MCM3AP: variants seen among roughly 807,000 people sequenced by gnomAD.
MCM3AP encodes germinal-center associated nuclear protein.
MCM3AP carries 126 observed loss-of-function variants against 184.1 expected under a neutral mutation model. That is an observed-to-expected ratio of 0.68 (90% CI 0.59 to 0.79). The LOEUF is 0.79. MCM3AP is among the 30% of genes least tolerant of loss of function. The pLI, the probability that MCM3AP is intolerant of heterozygous loss-of-function variation, is 0.00. For missense variants in MCM3AP, 2,496 were observed against 2,479.2 expected, an observed-to-expected ratio of 1.01 and a Z score of -0.14; for synonymous variants, 1,002 against 979.3, an observed-to-expected ratio of 1.02 and a Z score of -0.43.
chr21:46,265,342 G>A lies in MCM3AP; in HGVS notation c.3213C>T (p.Pro1071=), dbSNP rs376423908. The change falls in exon 12 of 28, where the codon CCC becomes CCT. Residue 1071 remains proline (P), a synonymous_variant. Transcript: ENST00000291688. ...SVQPEPPPPE[P]VPMYSDEDLA... is the part of the protein sequence containing the mutation. ...CTACCTCGTCAGAGTACATGGGCACGGGCTCTGGAGGCGGTGGTTCAGGCT... is the reference window on the plus strand; with the variant it reads ...CTACCTCGTCAGAGTACATGGGCACAGGCTCTGGAGGCGGTGGTTCAGGCT... 1.7e-5 allele frequency: 28 copies of A among 1,613,854 alleles called. No individual in the cohort carries two copies. The highest frequency in any genetic ancestry group is 4.4e-5 in the South Asian group (4 of 91,096).
Position 46,240,814 on chromosome 21 carries a change from T to C in MCM3AP, c.5630A>G (p.Lys1877Arg), listed in dbSNP as rs1302795115. 1 of 1,613,988 alleles carries C rather than the reference T, an allele frequency of 6.2e-7. No homozygotes were observed. The highest frequency in any genetic ancestry group is 1.1e-5 in the South Asian group (1 of 91,062). ...ATTAGAAGGAAGTGGGCTTCACCTC[T>C]TGTTCTCTTCTTTCTCCAGCAGCAG... ...SSLLLEKEEN[K>R]RFEDQLQQWL... The change falls in exon 26 of 28, where the codon AAG becomes AGG. Residue 1877 changes from lysine to arginine, a missense_variant. By Grantham distance (26) the Lys-to-Arg change is conservative. This residue lies in a region of MCM3AP where 1,323 missense variants were observed against 1,273.4 expected (regional missense o/e 1.04). Transcript: ENST00000291688.
Position 46,284,659 on chromosome 21 carries a change from A to T in MCM3AP, c.628T>A (p.Ser210Thr). 1 of 1,614,194 alleles carries T rather than the reference A, an allele frequency of 6.2e-7. No individual in the cohort carries two copies. The highest frequency in any genetic ancestry group is 8.5e-7 in the Non-Finnish European group (1 of 1,180,036). Residue 210 changes from serine (S) to threonine (T), a missense_variant, in exon 1 of 28, where the codon TCA becomes ACA. Ser to Thr is a moderately conservative substitution (Grantham distance 58, BLOSUM62 1). Coordinates refer to ENST00000291688, the MANE Select transcript of MCM3AP (RefSeq NM_003906.5). Reference sequence around the variant, plus strand: ...GAATTATTACTACTAACAGGTTTTGAAAAGGTAAAATTTGAAGTGGTAGCT... The same window carrying T: ...GAATTATTACTACTAACAGGTTTTGTAAAGGTAAAATTTGAAGTGGTAGCT... ...SSATTSNFTF[S>T]KPVSSNNSLS...
At chr21:46,264,065 G>T in intron 13 of MCM3AP, 52 bp downstream of exon 13, 1 of 1,277,146 alleles carries the variant, frequency 7.8e-7, no homozygotes, top group Non-Finnish European at 1.1e-6. Flanking sequence ...TGGAGGACTG[G>T]GTGCAGCTCC....
Position 46,251,660 on chromosome 21 carries a change from C to G in MCM3AP, c.4159G>C (p.Val1387Leu). ...CGRILANWLK[V>L]KFMGDEGSVD... ...GAGCCTTCATCTCCCATGAACTTGA[C>G]TTTTAACCAATTTGCTAGAATTCTA... Residue 1387 changes from valine (V) to leucine (L), a missense_variant, in exon 20 of 28, where the codon GTC becomes CTC. Val to Leu is a conservative substitution (Grantham distance 32, BLOSUM62 1). This residue lies in a region of MCM3AP where 1,323 missense variants were observed against 1,273.4 expected (regional missense o/e 1.04). Transcript: ENST00000291688. 1 of 1,591,994 alleles carries G rather than the reference C, an allele frequency of 6.3e-7. No individual in the cohort carries two copies. The highest frequency in any genetic ancestry group is 8.6e-7 in the Non-Finnish European group (1 of 1,162,540).
Position 46,267,068 on chromosome 21 carries a change from C to G in MCM3AP, c.2703G>C (p.Leu901=), listed in dbSNP as rs1234112258. 6.2e-7 allele frequency: 1 copy of G among 1,614,058 alleles called. No individual in the cohort carries two copies. The highest frequency in any genetic ancestry group is 8.5e-7 in the Non-Finnish European group (1 of 1,179,906). ...ACAGCAGCATGCGCACCACACCATC[C>G]AGGGGAAAGATGGTAGATCGCTGTG... ...VSTQRSTIFP[L]DGVVRMLLFR... The change falls in exon 10 of 28, where the codon CTG becomes CTC. Residue 901 remains leucine (L), a synonymous_variant. Transcript: ENST00000291688.
chr21:46,279,148 CGTG>C (rs2081293515), intron 4 of MCM3AP, among the ~76,000 whole-genome samples: 1 of 151,788 alleles, frequency 6.6e-6, no homozygotes, highest in Non-Finnish European at 1.5e-5. Flanking sequence ...ATTAGCTGGG[CGTG>C]GTGGAGCGCA....
In MCM3AP at chr21:46,284,270, A is replaced by G. The variant is rs541499572; in HGVS notation, c.1017T>C (p.Gly339=). ...TTTTGAAAACATCCTGTATCGTCCG[A>G]CCAAATAAAGTACCTCCCCGGGGTC... The part of the protein sequence containing the change: ...LNRPRGGTLF[G]RTIQDVFKSN... The change falls in exon 1 of 28, where the codon GGT becomes GGC. Residue 339 remains glycine, a synonymous_variant. Coordinates refer to ENST00000291688, the MANE Select transcript of MCM3AP (RefSeq NM_003906.5). 2.5e-6 allele frequency: 4 copies of G among 1,614,136 alleles called. No individual in the cohort carries two copies. In the African/African-American group the frequency reaches 4.0e-5, roughly 16 times the overall value.
rs536303269 is a variant in MCM3AP, at chr21:46,258,920, G to C, written c.3734+19C>G. 495 of 1,613,816 alleles carry C rather than the reference G, an allele frequency of 3.1e-4. 6 individuals carry two copies. The South Asian group carries it at 5.1e-3, about 17-fold the overall frequency. ...TTCCCCGTGTGTGTGGATTTTGCCTGTAGGAACACAGGACTCACCGCTGTA... is the reference window on the plus strand; with the variant it reads ...TTCCCCGTGTGTGTGGATTTTGCCTCTAGGAACACAGGACTCACCGCTGTA... On this transcript the variant is annotated intron_variant, in intron 16 of 27. Transcript: ENST00000291688.
Position 46,243,481 on chromosome 21 carries a change from C to T in MCM3AP, c.5280G>A (p.Arg1760=), listed in dbSNP as rs373639798. The T allele has an allele frequency of 1.9e-6, 3 of 1,610,276 alleles. No individual in the cohort carries two copies. The highest frequency in any genetic ancestry group is 2.5e-6 in the Non-Finnish European group (3 of 1,177,706). The change falls in exon 24 of 28, where the codon CGG becomes CGA. Residue 1760 remains arginine (R), a synonymous_variant. Coordinates refer to ENST00000291688, the MANE Select transcript of MCM3AP (RefSeq NM_003906.5). ...NHKLRDWTPP[R]LPVTSEALSE... ...TCTAATTACCTGATGTAACAGGAAG[C>T]CGGGGGGGCGTCCAGTCTCTCAGCT...
intron 26 of MCM3AP, among the ~76,000 whole-genome samples, chr21:46,239,510 G>A (rs1373183417): frequency 6.6e-6 from 1 of 152,228 alleles, no homozygotes; most frequent in Non-Finnish European, 1.5e-5. Context: ...TAGGCAGCTG[G>A]AAGGATGGAG....
chr21:46,243,861 G>C (rs2123823642), intron 23 of MCM3AP, 139 bp from the exon 24 acceptor site: 1 of 818,538 alleles, frequency 1.2e-6, no homozygotes, highest in Non-Finnish European at 1.9e-6. Context: ...CAGTTGTTGA[G>C]GGGGAAGAGC....
At chr21:46,267,311 C>CG in intron 9 of MCM3AP, 169 bp from the exon 10 acceptor site, 1 of 625,620 alleles carries the variant, frequency 1.6e-6, no homozygotes, top group African/African-American at 1.8e-5. Context: ...AGATCATAGG[C>CG]GGTCTGCTCA....
At chr21:46,240,129 A>C (rs897923019) in intron 26 of MCM3AP, among the ~76,000 whole-genome samples, 1 of 151,980 alleles carries the variant, frequency 6.6e-6, no homozygotes, top group Admixed American at 6.6e-5. Flanking sequence ...AGCACGAGAG[A>C]GATACTCATT....
intron 26 of MCM3AP, 90 bp from the exon 27 acceptor site, chr21:46,237,069 T>G (rs2080546853): frequency 3.2e-6 from 2 of 628,442 alleles, no homozygotes; most frequent in African/African-American, 1.9e-5. Context: ...TAAAAACTTT[T>G]TAAGCCTTTG....
At chr21:46,240,561 C>G (rs1256739589) in intron 26 of MCM3AP, among the ~76,000 whole-genome samples, 1 of 152,182 alleles carries the variant, frequency 6.6e-6, no homozygotes, top group African/African-American at 2.4e-5. Context: ...CCCAGAAAAA[C>G]TTAACACTGA....
intron 2 of MCM3AP, among the ~76,000 whole-genome samples, chr21:46,282,773 C>T (rs2081350006): frequency 6.6e-6 from 1 of 151,172 alleles, no homozygotes; most frequent in Admixed American, 6.6e-5. Flanking sequence ...CCACGGCACT[C>T]CAGCCTGGGT....
At chr21:46,244,771 A>G in intron 23 of MCM3AP, 36 bp downstream of exon 23, 1 of 1,560,504 alleles carries the variant, frequency 6.4e-7, no homozygotes, top group East Asian at 2.3e-5. Flanking sequence ...ACTTGGCTGC[A>G]GCCACCCACC....
At position 46,270,510 on chromosome 21, in the gene MCM3AP, G is replaced by A; in HGVS notation, c.2519C>T (p.Ala840Val). Residue 840 changes from alanine (A) to valine (V), a missense_variant, in exon 9 of 28, where the codon GCT becomes GTT. Physicochemically the swap from Ala to Val is moderately conservative, Grantham distance 64. Coordinates refer to ENST00000291688, the MANE Select transcript of MCM3AP (RefSeq NM_003906.5). ...AVRNSSEVKF[A>V]VQAFAALNSN... is the part of the protein sequence containing the mutation. ...GTTCAATGCAGCAAAAGCCTGAACA[G>A]CAAATTTCACCTCAGATGAGTTTCT... 2 of 1,613,676 alleles carry A rather than the reference G, an allele frequency of 1.2e-6. No homozygotes were observed. The highest frequency in any genetic ancestry group is 1.1e-5 in the South Asian group (1 of 90,942).
At chr21:46,235,915 G>A (rs1347492686) in intron 27 of MCM3AP, among the ~76,000 whole-genome samples, 1 of 152,200 alleles carries the variant, frequency 6.6e-6, no homozygotes, top group Non-Finnish European at 1.5e-5. Flanking sequence ...TTACAGGCAT[G>A]AGCCACCACG....
Sources: allele counts gnomAD v4.1 joint callset (sites outside exome capture counted in the v4.1 genomes callset), GRCh38; gene constraint gnomAD v4.1.1; regional missense constraint gnomAD v4.1.1; transcripts MANE v1.5; gene names NCBI Gene and HGNC (gene_info 2026-07-23, HGNC 2026-07-21).